Variants in PTPRD observed in about 807,000 individuals in gnomAD.
The protein encoded by PTPRD is protein tyrosine phosphatase receptor type D, also known as receptor-type tyrosine-protein phosphatase delta.
In PTPRD, 34 loss-of-function variants were observed where a neutral mutation model predicts 214.5. That is an observed-to-expected ratio of 0.16 (90% confidence interval 0.12 to 0.21). The LOEUF (loss-of-function observed/expected upper bound fraction) is 0.21, where lower values mean the gene tolerates loss of function less well. Ranked by LOEUF, PTPRD falls within the 10% of genes least tolerant of loss-of-function variation. The pLI is 1.00. For missense variants in PTPRD, 2,545 were observed against 2,398.7 expected (o/e 1.06, Z -1.27); for synonymous variants, 1,128 against 845.7 (o/e 1.33, Z -5.79).
chr9:10,359,791 G>A (rs1006827237), intron 2 of PTPRD, among the ~76,000 whole-genome samples: 1 of 152,126 alleles, frequency 6.6e-6, no homozygotes, highest in Non-Finnish European at 1.5e-5. Context: ...AGGGGATACT[G>A]TGATTTTTAT....
intron 7 of PTPRD, among the ~76,000 whole-genome samples, chr9:9,699,374 G>A (rs1176209590): frequency 6.6e-6 from 1 of 152,050 alleles, no homozygotes; most frequent in Non-Finnish European, 1.5e-5. Flanking sequence ...TTTAAAACTT[G>A]TGGATTTATA....
At chr9:10,020,212 G>C (rs1263298078) in intron 4 of PTPRD, among the ~76,000 whole-genome samples, 1 of 152,130 alleles carries the variant, frequency 6.6e-6, no homozygotes, top group Admixed American at 6.5e-5. Context: ...TTTGGACATT[G>C]TTTTCTCTGT....
chr9:9,893,721 C>A (rs1485408368), intron 5 of PTPRD, among the ~76,000 whole-genome samples: 1 of 152,046 alleles, frequency 6.6e-6, no homozygotes, highest in Non-Finnish European at 1.5e-5. Context: ...GACTTTTAAA[C>A]ATAATCACTT....
At chr9:9,484,136 AATTAT>A (rs2095530620) in intron 8 of PTPRD, among the ~76,000 whole-genome samples, 1 of 151,996 alleles carries the variant, frequency 6.6e-6, no homozygotes, top group Non-Finnish European at 1.5e-5. Flanking sequence ...GATTTAAACT[AATTAT>A]AATTAATAGG....
At chr9:9,654,089 GGTTCT>G (rs144664236) in intron 7 of PTPRD, among the ~76,000 whole-genome samples, 1 of 152,142 alleles carries the variant, frequency 6.6e-6, no homozygotes, top group Non-Finnish European at 1.5e-5. Context: ...TAATGGGCTG[GGTTCT>G]GATAATTCAT....
intron 11 of PTPRD, among the ~76,000 whole-genome samples, chr9:8,934,436 AATATATATATAAATTTATATATATAT>A (rs1567097479): frequency 6.6e-5 from 2 of 30,332 alleles, no homozygotes; most frequent in African/African-American, 3.0e-4. Context: ...TATATATATA[AATATATATATAAATTTATATATATAT>A]AAATATATAT....
rs140543874 is a variant in PTPRD at position 9,931,024 on chromosome 9, G to C, written c.-368+7483C>G. ...ACAAATAGAATTTTACTCCAATTCT[G>C]TATTATAACTTGATTTTAATCCCTC... On this transcript the variant is annotated intron_variant, in intron 5 of 45. Transcript: ENST00000381196. Among the ~76,000 whole-genome samples the C allele has an allele frequency of 9.2e-3, 1,401 of 152,014 alleles. 17 individuals are homozygous for C. The highest frequency in any genetic ancestry group is 0.032 in the African/African-American group (1,332 of 41,476).
chr9:9,948,442 T>C (rs908789921), intron 4 of PTPRD, among the ~76,000 whole-genome samples: 2 of 152,080 alleles, frequency 1.3e-5, no homozygotes, highest in South Asian at 4.1e-4. Flanking sequence ...GAATAAGTCT[T>C]ACTGAATCTT....
chr9:8,568,178 T>C (rs1472510921), intron 14 of PTPRD, among the ~76,000 whole-genome samples: 1 of 152,168 alleles, frequency 6.6e-6, no homozygotes, highest in Non-Finnish European at 1.5e-5. Flanking sequence ...ATGTTTTAAA[T>C]ACAAGTGTTC....
intron 10 of PTPRD, among the ~76,000 whole-genome samples, chr9:9,053,547 A>G (rs1408550208): frequency 6.6e-6 from 1 of 152,170 alleles, no homozygotes; most frequent in Non-Finnish European, 1.5e-5. Flanking sequence ...TAGCTTAGGA[A>G]GGATCCTACC....
At chr9:9,546,806 G>C (rs2078907399) in intron 8 of PTPRD, among the ~76,000 whole-genome samples, 1 of 151,554 alleles carries the variant, frequency 6.6e-6, no homozygotes, top group Admixed American at 6.6e-5. Flanking sequence ...AATCTTGAGA[G>C]TCATATAATT....
intron 11 of PTPRD, among the ~76,000 whole-genome samples, chr9:8,938,331 G>C (rs1466095625): frequency 6.6e-6 from 1 of 151,964 alleles, no homozygotes; most frequent in Non-Finnish European, 1.5e-5. Context: ...AACACAAGAT[G>C]ACAGAAATGA....
intron 2 of PTPRD, among the ~76,000 whole-genome samples, chr9:10,594,984 C>T (rs1283770425): frequency 1.3e-5 from 2 of 150,574 alleles, no homozygotes; most frequent in African/African-American, 4.9e-5. Context: ...AGACATTTTC[C>T]CCCCAAAGCT....
chr9:9,191,685 T>C (rs750875724), intron 9 of PTPRD, among the ~76,000 whole-genome samples: 3 of 152,108 alleles, frequency 2.0e-5, no homozygotes, highest in African/African-American at 4.8e-5. Flanking sequence ...TATTGCACCA[T>C]TGAAATATGG....
rs765419165 is a variant in PTPRD at position 8,315,306 on chromosome 9, G to GTCA, written c.*2565_*2567dup. ...CATTCATTTTCTTCTTCTGATTATT[G>GTCA]TCATCTTTCCCTTTGCCAAATGGGC... On this transcript the variant is annotated 3_prime_UTR_variant, in exon 46 of 46. Coordinates refer to ENST00000381196, the MANE Select transcript of PTPRD (RefSeq NM_002839.4). 2.8e-4 allele frequency: 64 copies of GTCA among 232,500 alleles called. No individual in the cohort carries two copies. Among genetic ancestry groups the GTCA allele is most frequent in the Non-Finnish European group, 4.6e-4 (54 of 117,430 alleles). The allele number at this position is 232,500 out of a possible 1,614,324, so 14.4% of individuals were successfully genotyped here.
chr9:8,937,146 G>A (rs118124512), intron 11 of PTPRD, among the ~76,000 whole-genome samples: 1 of 152,046 alleles, frequency 6.6e-6, no homozygotes, highest in African/African-American at 2.4e-5. Flanking sequence ...GCTATATTGT[G>A]TTGAGTAACG....
intron 8 of PTPRD, among the ~76,000 whole-genome samples, chr9:9,489,799 T>C (rs1472441349): frequency 1.3e-5 from 2 of 149,014 alleles, no homozygotes; most frequent in East Asian, 3.9e-4. Flanking sequence ...ATACACACTG[T>C]AGAATAAAAG....
chr9:9,131,004 T>G (rs10977506), intron 10 of PTPRD, among the ~76,000 whole-genome samples: 7,425 of 152,174 alleles, frequency 0.049, 410 homozygotes, highest in African/African-American at 0.13. Flanking sequence ...TCTTTTCTAA[T>G]ACAAGATTTT....
intron 2 of PTPRD, among the ~76,000 whole-genome samples, chr9:10,512,483 A>G (rs763004898): frequency 1.3e-5 from 2 of 152,148 alleles, no homozygotes; most frequent in Admixed American, 6.6e-5. Flanking sequence ...TAGTGCTCCT[A>G]TGATCCATAA....
Sources: allele counts gnomAD v4.1 joint callset (sites outside exome capture counted in the v4.1 genomes callset), GRCh38; gene constraint gnomAD v4.1.1; transcripts MANE v1.5; gene names NCBI Gene and HGNC (gene_info 2026-07-23, HGNC 2026-07-21).